The following DNAH6 variants were observed in gnomAD, a reference collection of about 807,000 sequenced individuals.
DNAH6 encodes dynein axonemal heavy chain 6, also known as axonemal beta dynein heavy chain 6.
A neutral mutation model predicts 491.4 loss-of-function variants in DNAH6; 340 were observed. That is an observed-to-expected ratio of 0.69 (90% CI 0.63 to 0.76). The LOEUF (loss-of-function observed/expected upper bound fraction) is 0.76, where lower values mean the gene tolerates loss of function less well. Ranked by LOEUF, DNAH6 falls within the 30% of genes least tolerant of loss-of-function variation. The probability of loss-of-function intolerance (pLI) is 0.00; values close to 1 mark genes in which losing one functional copy is unlikely to be tolerated. For missense variants in DNAH6, 4,443 were observed against 4,972.2 expected (o/e 0.89, Z 3.20); for synonymous variants, 1,603 against 1,686.1 (o/e 0.95, Z 1.21).
At chr2:84,514,867 T>TCACACACACACACA (rs58335460), upstream of DNAH6, among the ~76,000 whole-genome samples, 18,669 of 138,888 alleles carry the variant, frequency 0.13, 1,455 homozygotes, top group African/African-American at 0.18. Flanking sequence ...TTCACCACAG[T>TCACACACACACACA]CACACACACA....
At chr2:84,497,114 G>C in the DNAH6 span, among the ~76,000 whole-genome samples, 1 of 151,892 alleles carries the variant, frequency 6.6e-6, no homozygotes, top group Non-Finnish European at 1.5e-5. Context: ...GGGACTATAG[G>C]TGCGCACCAC....
intron 29 of DNAH6, among the ~76,000 whole-genome samples, chr2:84,632,138 C>T (rs754890684): frequency 4.1e-4 from 62 of 152,188 alleles, no homozygotes; most frequent in Non-Finnish European, 8.1e-4. Flanking sequence ...TATTTGTTAA[C>T]CAGTCAGTCA....
intron 41 of DNAH6, among the ~76,000 whole-genome samples, chr2:84,680,408 T>C (rs1693669607): frequency 2.6e-5 from 4 of 152,124 alleles, no homozygotes; most frequent in African/African-American, 9.7e-5. Context: ...GTTGTGATGT[T>C]ATGGATGAGA....
the DNAH6 span, among the ~76,000 whole-genome samples, chr2:84,504,184 T>C: frequency 6.6e-6 from 1 of 152,222 alleles, no homozygotes. Context: ...AATTCTAATA[T>C]TAAAGGACTC....
chr2:84,717,473 T>C (rs976146812), intron 58 of DNAH6, among the ~76,000 whole-genome samples: 2 of 152,192 alleles, frequency 1.3e-5, no homozygotes, highest in Non-Finnish European at 1.5e-5. Flanking sequence ...CAAGCCCAGC[T>C]TGGCCTCTCA....
chr2:84,797,574 G>A lies in DNAH6; in HGVS notation c.11397G>A (p.Glu3799=), dbSNP rs1413152833. 6.4e-7 allele frequency: 1 copy of A among 1,551,700 alleles called. No homozygotes were observed. Among genetic ancestry groups the A allele is most frequent in the Admixed American group, 2.0e-5 (1 of 50,980 alleles). The part of the protein sequence containing the change: ...YFAPMADSLQ[E]FKDYIENLPL... ...CACCCATGGCTGACAGCCTACAAGAGTTTAAGGACTACATTGAAAATCTGC... is the reference window on the plus strand; with the variant it reads ...CACCCATGGCTGACAGCCTACAAGAATTTAAGGACTACATTGAAAATCTGC... The change falls in exon 70 of 77, where the codon GAG becomes GAA. Residue 3799 remains glutamate, a synonymous_variant. Coordinates refer to ENST00000389394, the MANE Select transcript of DNAH6 (RefSeq NM_001370.2).
At chr2:84,505,157 A>G in the DNAH6 span, among the ~76,000 whole-genome samples, 1 of 152,128 alleles carries the variant, frequency 6.6e-6, no homozygotes, top group Admixed American at 6.6e-5. Flanking sequence ...TTGATTGTCC[A>G]TTGCAAGTAC....
At chr2:84,796,271 A>C (rs1337654723) in intron 68 of DNAH6, 35 bp from the exon 69 acceptor site, 21 of 1,381,752 alleles carry the variant, frequency 1.5e-5, no homozygotes, top group Middle Eastern at 4.4e-4. Context: ...TTTTTTAAAA[A>C]CAGCAATAAT....
At chr2:84,547,942 G>A (rs893985633) in intron 7 of DNAH6, among the ~76,000 whole-genome samples, 3 of 152,038 alleles carry the variant, frequency 2.0e-5, no homozygotes, top group African/African-American at 4.8e-5. Context: ...TAAAATTAAG[G>A]AACTGGATTG....
At chr2:84,718,794 T>G (rs1228603427) in intron 59 of DNAH6, among the ~76,000 whole-genome samples, 1 of 152,246 alleles carries the variant, frequency 6.6e-6, no homozygotes, top group Admixed American at 6.5e-5. Context: ...GTTTATCCTA[T>G]GTCACAGTTA....
chr2:84,577,799 T>C (rs1373453719), intron 13 of DNAH6, among the ~76,000 whole-genome samples: 1 of 152,106 alleles, frequency 6.6e-6, no homozygotes, highest in Non-Finnish European at 1.5e-5. Flanking sequence ...ACAGGTCTGA[T>C]TATGTTTTGG....
In DNAH6 at chr2:84,699,742, A is replaced by G; in HGVS notation, c.7818+8A>G. On this transcript the variant is annotated splice_region_variant and intron_variant, in intron 48 of 76. Coordinates refer to ENST00000389394, the MANE Select transcript of DNAH6 (RefSeq NM_001370.2). ...ATTGACTGGTTTGTGCAGGTTGGTG[A>G]CATCCCAGGATATCTCTTTGAGAAG... The G allele has an allele frequency of 1.3e-6, 2 of 1,549,992 alleles. No individual in the cohort carries two copies. Among genetic ancestry groups the G allele is most frequent in the Non-Finnish European group, 8.7e-7 (1 of 1,146,256 alleles).
intron 45 of DNAH6, among the ~76,000 whole-genome samples, chr2:84,690,679 T>C (rs1694763857): frequency 6.6e-6 from 1 of 152,246 alleles, no homozygotes; most frequent in African/African-American, 2.4e-5. Flanking sequence ...CACAAAGGAC[T>C]GCCATGTAAA....
chr2:84,549,437 C>T (rs376577027), intron 8 of DNAH6, among the ~76,000 whole-genome samples: 5 of 152,266 alleles, frequency 3.3e-5, no homozygotes, highest in East Asian at 3.9e-4. Context: ...AGTAAGGAAA[C>T]GTAAAATTCA....
At chr2:84,465,614 A>C in the DNAH6 span, among the ~76,000 whole-genome samples, 1 of 152,248 alleles carries the variant, frequency 6.6e-6, no homozygotes, top group Non-Finnish European at 1.5e-5. Flanking sequence ...AAGAAAACTA[A>C]ATTAGAAAGC....
intron 15 of DNAH6, among the ~76,000 whole-genome samples, chr2:84,586,523 G>A (rs566304945): frequency 3.9e-5 from 6 of 152,144 alleles, no homozygotes; most frequent in Non-Finnish European, 5.9e-5. Flanking sequence ...CATGTTTATT[G>A]CTATGTAGTG....
chr2:84,674,278 G>A (rs1323676749), intron 40 of DNAH6, among the ~76,000 whole-genome samples: 1 of 152,132 alleles, frequency 6.6e-6, no homozygotes, highest in African/African-American at 2.4e-5. Flanking sequence ...GGCAAAACTG[G>A]GATTAGAGCC....
At chr2:84,799,723 G>A (rs1210240783) in intron 70 of DNAH6, among the ~76,000 whole-genome samples, 3 of 152,230 alleles carry the variant, frequency 2.0e-5, no homozygotes, top group Non-Finnish European at 2.9e-5. Context: ...TAAGAAAGGA[G>A]GGAGCGCACT....
chr2:84,544,426 A>G lies in DNAH6; in HGVS notation c.856A>G (p.Arg286Gly). The part of the protein sequence containing the change: ...FRKWKAFSVW[R>G]KNVRSKKITG... ...GAAATGGAAGGCTTTTAGTGTATGG[A>G]GGAAGAATGTCCGCTCCAAGAAAAT... Residue 286 changes from arginine (R) to glycine (G), a missense_variant, in exon 5 of 77, where the codon AGG (arginine) becomes GGG (glycine). Arg to Gly is a moderately radical substitution (Grantham distance 125). Around this residue, in one of 3 missense-constraint regions of DNAH6, gnomAD observed 2,977 missense variants for 3,296.6 expected, o/e 0.90. Coordinates refer to ENST00000389394, the MANE Select transcript of DNAH6 (RefSeq NM_001370.2). 1 of 1,541,058 alleles carries G rather than the reference A, an allele frequency of 6.5e-7. No homozygotes were observed. Among genetic ancestry groups the G allele is most frequent in the Non-Finnish European group, 8.8e-7 (1 of 1,137,524 alleles).
Sources: gnomAD v4.1 joint callset for allele counts (sites outside exome capture counted in the v4.1 genomes callset) on GRCh38, gnomAD v4.1.1 for gene constraint, gnomAD v4.1.1 regional missense constraint, MANE v1.5 for transcripts, NCBI Gene and HGNC (gene_info 2026-07-23, HGNC 2026-07-21) for gene names.